Variants in BBS9 observed in about 807,000 individuals in gnomAD.
BBS9 encodes the protein Bardet-Biedl syndrome 9.
In BBS9, 89 loss-of-function variants were observed where a neutral mutation model predicts 117.7. The ratio of observed to expected loss-of-function variants is 0.76; its 90% CI spans 0.64 to 0.90. BBS9 has a LOEUF of 0.90. Among genes scored for constraint, BBS9 ranks in the 40% least tolerant of loss-of-function variants. The pLI is 0.00. For synonymous variants in BBS9, 379 were observed against 370.9 expected (o/e 1.02, Z -0.25); for missense variants, 982 against 1,042.2 (o/e 0.94, Z 0.80).
chr7:33,387,119 T>C (rs1826174748), intron 18 of BBS9, among the ~76,000 whole-genome samples: 1 of 152,134 alleles, frequency 6.6e-6, no homozygotes, highest in Non-Finnish European at 1.5e-5. Context: ...AGTTCCCCTA[T>C]TGATGGGAAT....
At chr7:33,160,893 G>A (rs1447356574) in intron 4 of BBS9, among the ~76,000 whole-genome samples, 1 of 152,074 alleles carries the variant, frequency 6.6e-6, no homozygotes, top group Admixed American at 6.6e-5. Context: ...TTGACAAATA[G>A]AGCTAATGTT....
chr7:33,295,795 T>C (rs1256026499), intron 9 of BBS9, among the ~76,000 whole-genome samples: 1 of 152,042 alleles, frequency 6.6e-6, no homozygotes, highest in Non-Finnish European at 1.5e-5. Flanking sequence ...AACAAAATAG[T>C]CTAGAAAATA....
At chr7:33,281,949 G>C (rs751361095) in intron 9 of BBS9, among the ~76,000 whole-genome samples, 5 of 151,584 alleles carry the variant, frequency 3.3e-5, no homozygotes, top group Non-Finnish European at 5.9e-5. Context: ...CAAGTAGCTG[G>C]GACTATAGGT....
chr7:33,146,294 G>A lies in BBS9; in HGVS notation c.42G>A (p.Leu14=). 5 of 1,614,042 alleles carry A rather than the reference G, an allele frequency of 3.1e-6. No individual in the cohort carries two copies. The highest frequency in any genetic ancestry group is 4.2e-6 in the Non-Finnish European group (5 of 1,179,948). ...FKARDWWSTI[L]GDKEEFDQGC... ...CCCGTGATTGGTGGTCTACTATTCT[G>A]GGAGATAAAGAAGAATTTGATCAAG... is the stretch of plus-strand genomic sequence containing the variant. Residue 14 remains leucine, a synonymous_variant, in exon 2 of 23, where the codon CTG becomes CTA. Transcript: ENST00000242067.
chr7:33,475,054 C>T (rs752954197), intron 19 of BBS9, among the ~76,000 whole-genome samples: 7 of 152,220 alleles, frequency 4.6e-5, no homozygotes, highest in Non-Finnish European at 1.5e-5. Context: ...GCAATCCATT[C>T]CTAAACCAAT....
At chr7:33,177,734 A>C in intron 5 of BBS9, 143 bp downstream of exon 5, 2 of 687,532 alleles carry the variant, frequency 2.9e-6, no homozygotes, top group Admixed American at 4.2e-5. Flanking sequence ...CCAAATGCCC[A>C]AGCAAGTCTA....
At chr7:33,522,185 T>C (rs1328834762) in intron 20 of BBS9, among the ~76,000 whole-genome samples, 1 of 152,148 alleles carries the variant, frequency 6.6e-6, no homozygotes, top group African/African-American at 2.4e-5. Context: ...TTTGCTATTG[T>C]GAATAATGCT....
chr7:33,443,687 T>G (rs1286009210), intron 19 of BBS9, among the ~76,000 whole-genome samples: 1 of 152,228 alleles, frequency 6.6e-6, no homozygotes, highest in East Asian at 1.9e-4. Context: ...TGTAAGAAGT[T>G]CATCTTGGCA....
chr7:33,466,457 G>A (rs762098915), intron 19 of BBS9, among the ~76,000 whole-genome samples: 19 of 151,950 alleles, frequency 1.3e-4, no homozygotes, highest in Admixed American at 2.6e-4. Flanking sequence ...GTTTATCCAC[G>A]TTCTTGCAAA....
At chr7:33,182,413 C>T (rs1313387905) in intron 5 of BBS9, among the ~76,000 whole-genome samples, 1 of 152,198 alleles carries the variant, frequency 6.6e-6, no homozygotes, top group East Asian at 1.9e-4. Context: ...GCTAACTCCA[C>T]ATGTCCCCAG....
At chr7:33,544,013 G>A (rs1336416956) in intron 21 of BBS9, among the ~76,000 whole-genome samples, 1 of 151,964 alleles carries the variant, frequency 6.6e-6, no homozygotes, top group African/African-American at 2.4e-5. Flanking sequence ...AGAGCATTTT[G>A]CATTTCTGAA....
intron 5 of BBS9, among the ~76,000 whole-genome samples, chr7:33,221,637 C>T (rs1390779297): frequency 6.6e-6 from 1 of 152,120 alleles, no homozygotes; most frequent in Non-Finnish European, 1.5e-5. Context: ...ATCTAGAGTA[C>T]TTCAGGCAAT....
chr7:33,152,955 A>G lies in BBS9; in HGVS notation c.263+104A>G. ...AGAAGACTATCCATGAATTAAATAT[A>G]TTTTCTGGATATTGTCACCTAGGGG... On this transcript the variant is annotated intron_variant, in intron 3 of 22. Transcript: ENST00000242067. 5 of 1,311,688 alleles carry G rather than the reference A, an allele frequency of 3.8e-6. No homozygotes were observed. The South Asian group carries it at 6.2e-5, about 16-fold the overall frequency. The allele number at this position is 1,311,688 out of a possible 1,614,324, so 81.3% of individuals were successfully genotyped here.
intron 20 of BBS9, among the ~76,000 whole-genome samples, chr7:33,527,411 G>A (rs189580836): frequency 2.0e-5 from 3 of 152,032 alleles, no homozygotes; most frequent in East Asian, 1.9e-4. Context: ...CTCCGTGGGC[G>A]TAGGACCCTC....
At chr7:33,264,758 T>G (rs1413151393) in intron 7 of BBS9, among the ~76,000 whole-genome samples, 2 of 152,202 alleles carry the variant, frequency 1.3e-5, no homozygotes, top group Admixed American at 6.5e-5. Flanking sequence ...ATCACTTGTT[T>G]GGAGCAATGG....
At chr7:33,596,931 A>G (rs2700681) in intron 21 of BBS9, among the ~76,000 whole-genome samples, 36,572 of 152,020 alleles carry the variant, frequency 0.24, 6,167 homozygotes, top group African/African-American at 0.47. Context: ...GGCTTTTTAT[A>G]GCTTACATTC....
chr7:33,590,459 GT>G (rs71554107), intron 21 of BBS9, among the ~76,000 whole-genome samples: 355 of 101,484 alleles, frequency 3.5e-3, no homozygotes, highest in Middle Eastern at 5.6e-3. Context: ...TTGTTTTTTT[GT>G]TTTTTTTTTT....
intron 21 of BBS9, among the ~76,000 whole-genome samples, chr7:33,559,014 G>A (rs182652491): frequency 1.3e-5 from 2 of 152,246 alleles, no homozygotes; most frequent in Non-Finnish European, 1.5e-5. Flanking sequence ...TTAATGCCTT[G>A]ATGTGCAGAC....
At chr7:33,628,370 C>A (rs1031753776) in intron 21 of BBS9, among the ~76,000 whole-genome samples, 9 of 152,148 alleles carry the variant, frequency 5.9e-5, no homozygotes, top group Non-Finnish European at 1.5e-5. Flanking sequence ...TGGGGTTTAC[C>A]TCCAAATTGC....
Sources: gnomAD v4.1 joint callset for allele counts (sites outside exome capture counted in the v4.1 genomes callset) on GRCh38, gnomAD v4.1.1 for gene constraint, MANE v1.5 for transcripts, NCBI Gene and HGNC (gene_info 2026-07-23, HGNC 2026-07-21) for gene names.